COA4: variants seen among roughly 807,000 people sequenced by gnomAD.
COA4 encodes the protein cytochrome c oxidase assembly factor 4 homolog, mitochondrial.
A neutral mutation model predicts 7.3 loss-of-function variants in COA4; 8 were observed. That is an observed-to-expected ratio of 1.10 (90% CI 0.64 to 1.98). The LOEUF is 1.98. Ranked by LOEUF, COA4 falls within the 30% of genes most tolerant of loss-of-function variation. The pLI is 0.00. For missense variants in COA4, 96 were observed against 111.2 expected (o/e 0.86, Z 0.62); for synonymous variants, 42 against 44.3 (o/e 0.95, Z 0.21).
chr11:73,876,823 T>G lies in COA4; in HGVS notation c.-83A>C. 2.1e-6 allele frequency: 1 copy of G among 476,280 alleles called. No homozygotes were observed. Among genetic ancestry groups the G allele is most frequent in the Non-Finnish European group, 3.5e-6 (1 of 289,620 alleles). The allele number at this position is 476,280 out of a possible 1,614,324, so 29.5% of individuals were successfully genotyped here. ...CGGCGGCTTGGGTTTCGCAGGCGGTTGGGGATCCTCTGTACATCCTTTCAG... is the reference window on the plus strand; with the variant it reads ...CGGCGGCTTGGGTTTCGCAGGCGGTGGGGGATCCTCTGTACATCCTTTCAG... On this transcript the variant is annotated 5_prime_UTR_variant, in exon 1 of 2. Transcript: ENST00000355693.
Position 73,872,854 on chromosome 11 carries a change from G to T in COA4, c.*261C>A. The T allele has an allele frequency of 2.2e-6, 1 of 458,650 alleles. No homozygotes were observed. The highest frequency in any genetic ancestry group is 3.9e-6 in the Non-Finnish European group (1 of 259,596). The allele number at this position is 458,650 out of a possible 1,614,324, so 28.4% of individuals were successfully genotyped here. On this transcript the variant is annotated 3_prime_UTR_variant, in exon 2 of 2. Coordinates refer to ENST00000355693, the MANE Select transcript of COA4 (RefSeq NM_016565.3). ...CACACTGACTTAAGATGTGGGGTGG[G>T]GGAGCATCCCTTAACACATTCTTTG...
intron 1 of COA4, chr11:73,876,340 C>T (rs1274896719): frequency 1.3e-5 from 2 of 152,116 alleles, no homozygotes; most frequent in African/African-American, 4.8e-5. Flanking sequence ...CTACGCCTTA[C>T]TATGTAATCT....
chr11:73,873,529 G>C, intron 1 of COA4, 135 bp from the exon 2 acceptor site: 1 of 619,818 alleles, frequency 1.6e-6, no homozygotes, highest in Non-Finnish European at 2.6e-6. Flanking sequence ...CTTGAAGACA[G>C]ATGCTTGTTT....
chr11:73,873,309 G>C lies in COA4; in HGVS notation c.70C>G (p.Pro24Ala). 1.2e-6 allele frequency: 2 copies of C among 1,614,214 alleles called. No homozygotes were observed. Among genetic ancestry groups the C allele is most frequent in the Middle Eastern group, 1.6e-4 (1 of 6,062 alleles). The change falls in exon 2 of 2, where the codon CCG becomes GCG. Residue 24 changes from proline to alanine, a missense_variant. Coordinates refer to ENST00000355693, the MANE Select transcript of COA4 (RefSeq NM_016565.3). The part of the protein sequence containing the change: ...RVKKDDEEED[P>A]LDQLISRSGC... ...GAGCGGGAGATCAGCTGGTCCAGCG[G>C]GTCCTCCTCCTCATCGTCTTTCTTC...
At chr11:73,875,315 G>A (rs1259122726) in intron 1 of COA4, among the ~76,000 whole-genome samples, 1 of 152,166 alleles carries the variant, frequency 6.6e-6, no homozygotes, top group African/African-American at 2.4e-5. Context: ...TGCCTTAACT[G>A]TGTCTCTCAT....
Position 73,873,430 on chromosome 11 carries a change from T to C in COA4, c.-16-36A>G, listed in dbSNP as rs760761198. On this transcript the variant is annotated intron_variant, in intron 1 of 1. Coordinates refer to ENST00000355693, the MANE Select transcript of COA4 (RefSeq NM_016565.3). ...TTAACAGGTTAGAGTAGGGATATAA[T>C]ATGTAAGGTTCCTAAATTATAAATA... 5.7e-6 allele frequency: 9 copies of C among 1,571,606 alleles called. No individual in the cohort carries two copies. The Admixed American group carries it at 6.9e-5, about 12-fold the overall frequency.
intron 1 of COA4, chr11:73,874,293 A>T (rs1475631698): frequency 6.6e-6 from 1 of 152,140 alleles, no homozygotes; most frequent in African/African-American, 2.4e-5. Context: ...CTAAAAATAC[A>T]AAATTAGCAA....
rs192244412 is a variant in COA4, at chr11:73,874,000, A to G, written c.-16-606T>C. On this transcript the variant is annotated intron_variant, in intron 1 of 1. Coordinates refer to ENST00000355693, the MANE Select transcript of COA4 (RefSeq NM_016565.3). ...GAAATGTCATCTTTTTAGATAAGCTATCTCTGATCTACCTAAAAAGAACTA... is the reference window on the plus strand; with the variant it reads ...GAAATGTCATCTTTTTAGATAAGCTGTCTCTGATCTACCTAAAAAGAACTA... Among the ~76,000 whole-genome samples, 4 of 152,308 alleles carry G rather than the reference A, an allele frequency of 2.6e-5. No individual in the cohort carries two copies. In the East Asian group the frequency reaches 7.7e-4, roughly 29 times the overall value.
Position 73,873,085 on chromosome 11 carries a change from C to A in COA4, c.*30G>T. 1 of 1,567,096 alleles carries A rather than the reference C, an allele frequency of 6.4e-7. No individual in the cohort carries two copies. On this transcript the variant is annotated 3_prime_UTR_variant, in exon 2 of 2. Coordinates refer to ENST00000355693, the MANE Select transcript of COA4 (RefSeq NM_016565.3). ...TTGCTGGGTGCTGGTCTTGGCAGGGCCATCTACTGGGGATAGGTGGTTTGG... is the reference window on the plus strand; with the variant it reads ...TTGCTGGGTGCTGGTCTTGGCAGGGACATCTACTGGGGATAGGTGGTTTGG...
chr11:73,873,388 G>A lies in COA4; in HGVS notation c.-10C>T, dbSNP rs758708952. 4 of 1,613,796 alleles carry A rather than the reference G, an allele frequency of 2.5e-6. No individual in the cohort carries two copies. The South Asian group carries it at 4.4e-5, about 18-fold the overall frequency. On this transcript the variant is annotated 5_prime_UTR_variant, in exon 2 of 2. Coordinates refer to ENST00000355693, the MANE Select transcript of COA4 (RefSeq NM_016565.3). The stretch of plus-strand genomic sequence containing the variant: ...GGACTGAGGTTGACATCCTGGGGAT[G>A]GGGAGTCTATAGAACATTAACAGGT...
chr11:73,875,156 A>AT (rs1803204591), intron 1 of COA4, among the ~76,000 whole-genome samples: 1 of 152,184 alleles, frequency 6.6e-6, no homozygotes, highest in South Asian at 2.1e-4. Context: ...TGTGAGGTGT[A>AT]TTTATTTGCC....
chr11:73,873,424 A>G, intron 1 of COA4, 30 bp from the exon 2 acceptor site: 1 of 1,590,136 alleles, frequency 6.3e-7, no homozygotes, highest in Non-Finnish European at 8.6e-7. Flanking sequence ...TAGAGTAGGG[A>G]TATAATATGT....
chr11:73,872,845 G>A lies in COA4; in HGVS notation c.*270C>T. On this transcript the variant is annotated 3_prime_UTR_variant, in exon 2 of 2. Coordinates refer to ENST00000355693, the MANE Select transcript of COA4 (RefSeq NM_016565.3). ...AGTACTTGGCACACTGACTTAAGAT[G>A]TGGGGTGGGGGAGCATCCCTTAACA... 2.3e-6 allele frequency: 1 copy of A among 443,146 alleles called. No homozygotes were observed. Among genetic ancestry groups the A allele is most frequent in the Non-Finnish European group, 4.0e-6 (1 of 250,064 alleles). The allele number at this position is 443,146 out of a possible 1,614,324, so 27.5% of individuals were successfully genotyped here. A position where few individuals can be genotyped will look rare whatever the true frequency, so the allele number is the denominator to read the frequency against.
Position 73,873,273 on chromosome 11 carries a change from C to A in COA4, c.106G>T (p.Ala36Ser), listed in dbSNP as rs1245112837. The change falls in exon 2 of 2, where the codon GCC (alanine) becomes TCC (serine). Residue 36 changes from alanine to serine, a missense_variant. By Grantham distance (99) the Ala-to-Ser change is moderately conservative. Transcript: ENST00000355693. Reference sequence around the variant, plus strand: ...CACTCCTGCACTGCAAAGTGGGAGGCAGCACAGCCAGAGCGGGAGATCAGC... The same window carrying A: ...CACTCCTGCACTGCAAAGTGGGAGGAAGCACAGCCAGAGCGGGAGATCAGC... ...DQLISRSGCA[A>S]SHFAVQECMA... The A allele has an allele frequency of 6.2e-7, 1 of 1,614,270 alleles. No homozygotes were observed.
chr11:73,873,444 A>G (rs1267069374), intron 1 of COA4, 50 bp from the exon 2 acceptor site: 3 of 1,523,450 alleles, frequency 2.0e-6, no homozygotes, highest in Admixed American at 1.8e-5. Context: ...TAAGGTTCCT[A>G]AATTATAAAT....
chr11:73,873,273 C>G lies in COA4; in HGVS notation c.106G>C (p.Ala36Pro). 6.2e-7 allele frequency: 1 copy of G among 1,614,270 alleles called. No homozygotes were observed. The highest frequency in any genetic ancestry group is 8.5e-7 in the Non-Finnish European group (1 of 1,180,048). Residue 36 changes from alanine (A) to proline (P), a missense_variant, in exon 2 of 2, where the codon GCC becomes CCC. Physicochemically the swap from Ala to Pro is conservative, Grantham distance 27. Transcript: ENST00000355693. ...DQLISRSGCA[A>P]SHFAVQECMA... ...CACTCCTGCACTGCAAAGTGGGAGGCAGCACAGCCAGAGCGGGAGATCAGC... is the reference window on the plus strand; with the variant it reads ...CACTCCTGCACTGCAAAGTGGGAGGGAGCACAGCCAGAGCGGGAGATCAGC...
At chr11:73,875,219 A>AC (rs1328271864) in intron 1 of COA4, among the ~76,000 whole-genome samples, 1 of 152,204 alleles carries the variant, frequency 6.6e-6, no homozygotes, top group East Asian at 1.9e-4. Flanking sequence ...CAGCATACAG[A>AC]AGGAACTTAA....
chr11:73,874,291 AC>A (rs1172301887), intron 1 of COA4: 1 of 152,168 alleles, frequency 6.6e-6, no homozygotes, highest in African/African-American at 2.4e-5. Context: ...TACTAAAAAT[AC>A]AAAATTAGCA....
chr11:73,876,496 C>T (rs1948748246), intron 1 of COA4: 1 of 152,436 alleles, frequency 6.6e-6, no homozygotes, highest in Admixed American at 6.5e-5. Context: ...CTTCAGTCTC[C>T]TCTGGAGTAA....
Sources: gnomAD v4.1 joint callset for allele counts (sites outside exome capture counted in the v4.1 genomes callset) on GRCh38, gnomAD v4.1.1 for gene constraint, MANE v1.5 for transcripts, NCBI Gene and HGNC (gene_info 2026-07-23, HGNC 2026-07-21) for gene names.